COL5A1: variants seen among roughly 807,000 people sequenced by gnomAD.
COL5A1 encodes the protein collagen alpha-1(V) chain.
A neutral mutation model predicts 263.7 loss-of-function variants in COL5A1; 16 were observed. That is an observed-to-expected ratio of 0.06 (90% CI 0.04 to 0.09). The LOEUF is 0.09. Among genes scored for constraint, COL5A1 ranks in the 10% least tolerant of loss-of-function variants. The probability of loss-of-function intolerance (pLI) is 1.00; values close to 1 mark genes in which losing one functional copy is unlikely to be tolerated. For missense variants in COL5A1, 2,036 were observed against 2,540.5 expected, an observed-to-expected ratio of 0.80 and a Z score of 4.27; for synonymous variants, 1,012 against 1,004.5, an observed-to-expected ratio of 1.01 and a Z score of -0.14.
chr9:134,714,135 A>G (rs1300790885), intron 4 of COL5A1, among the ~76,000 whole-genome samples: 2 of 152,154 alleles, frequency 1.3e-5, no homozygotes, highest in African/African-American at 2.4e-5. Context: ...TGCAAAAAAT[A>G]CTGGTTGAAT....
In COL5A1 at chr9:134,824,971, C is replaced by T. The variant is rs1329289035; in HGVS notation, c.4954+116C>T. ...CAGCGGAAGGGACAGGACGGGCAGC[C>T]GCAGCCTCCCCATCTGTGGGGCCGG... On this transcript the variant is annotated intron_variant, in intron 62 of 65. Transcript: ENST00000371817. 27 of 1,379,774 alleles carry T rather than the reference C, an allele frequency of 2.0e-5. No individual in the cohort carries two copies. The South Asian group carries it at 2.0e-4, about 10-fold the overall frequency. 85.5% of individuals were successfully genotyped at this position (1,379,774 alleles called of 1,614,324 possible). A position where few individuals can be genotyped will look rare whatever the true frequency, so the allele number is the denominator to read the frequency against.
At chr9:134,712,934 C>T (rs1275862770) in intron 4 of COL5A1, among the ~76,000 whole-genome samples, 2 of 152,114 alleles carry the variant, frequency 1.3e-5, no homozygotes, top group East Asian at 2.0e-4. Context: ...TCCAGAAGGG[C>T]CTGTGGGTGA....
intron 48 of COL5A1, among the ~76,000 whole-genome samples, chr9:134,813,487 G>A (rs915741831): frequency 6.6e-6 from 1 of 152,230 alleles, no homozygotes; most frequent in African/African-American, 2.4e-5. Flanking sequence ...AGACCACAGG[G>A]TGATGGTGTG....
chr9:134,789,095 C>T lies in COL5A1; in HGVS notation c.2647-60C>T, dbSNP rs1295108137. 2.6e-6 allele frequency: 4 copies of T among 1,514,830 alleles called. No homozygotes were observed. Among genetic ancestry groups the T allele is most frequent in the Admixed American group, 3.4e-5 (2 of 59,390 alleles). The allele number at this position is 1,514,830 out of a possible 1,614,324, so 93.8% of individuals were successfully genotyped here. ...CATGCAGGTGGTCCCCCAGGCGGCC[C>T]ATGCAGCATGACTCATTCCTGGCCC... On this transcript the variant is annotated intron_variant, in intron 31 of 65. Coordinates refer to ENST00000371817, the MANE Select transcript of COL5A1 (RefSeq NM_000093.5). The surrounding 1 kb of genome is among the most constrained non-coding windows in gnomAD (Gnocchi z 4.8).
intron 1 of COL5A1, among the ~76,000 whole-genome samples, chr9:134,651,558 C>G (rs1364512491): frequency 1.3e-5 from 2 of 152,234 alleles, no homozygotes; most frequent in African/African-American, 4.8e-5. Flanking sequence ...ACGGTGGTCT[C>G]AGCTTTTCCA....
chr9:134,835,057 C>T lies in COL5A1; in HGVS notation c.5223C>T (p.Asn1741=), dbSNP rs144081161. 35 of 1,613,432 alleles carry T rather than the reference C, an allele frequency of 2.2e-5. No individual in the cohort carries two copies. The African/African-American group carries it at 3.1e-4, about 14-fold the overall frequency. ...LRLLSASAHQ[N]VTYHCYQSVA... The stretch of plus-strand genomic sequence containing the variant: ...TGCTGAGCGCCTCTGCCCACCAGAA[C>T]GTCACCTACCACTGCTACCAGTCAG... The change falls in exon 65 of 66, where the codon AAC becomes AAT. Residue 1741 remains asparagine, a synonymous_variant. Transcript: ENST00000371817.
At chr9:134,796,441 G>T (rs1837913200) in intron 35 of COL5A1, 23 bp downstream of exon 35, 12 of 1,613,602 alleles carry the variant, frequency 7.4e-6, no homozygotes, top group Middle Eastern at 1.6e-4. Flanking sequence ...AGCCTTCGGG[G>T]GTGTCTCCAA....
chr9:134,673,385 A>C (rs1312497804), intron 1 of COL5A1, among the ~76,000 whole-genome samples: 2 of 151,638 alleles, frequency 1.3e-5, no homozygotes, highest in East Asian at 3.9e-4. Flanking sequence ...TTTCCATAAA[A>C]GTGCTAAGAT....
In COL5A1 at chr9:134,682,460, G is replaced by A. The variant is rs531583044; in HGVS notation, c.110-8452G>A. On this transcript the variant is annotated intron_variant, in intron 1 of 65. Transcript: ENST00000371817. This position sits in a 1 kb window ranked among gnomAD's most constrained non-coding sequence, Gnocchi z 5.1. ...CAGAGACCCTGACCCCAGGACCGACGGAGCCAGCCCAGTGCCAGGGACAGA... is the reference window on the plus strand; with the variant it reads ...CAGAGACCCTGACCCCAGGACCGACAGAGCCAGCCCAGTGCCAGGGACAGA... Among the ~76,000 whole-genome samples, 3 of 152,284 alleles carry A rather than the reference G, an allele frequency of 2.0e-5. No homozygotes were observed. Among genetic ancestry groups the A allele is most frequent in the African/African-American group, 4.8e-5 (2 of 41,556 alleles).
intron 1 of COL5A1, among the ~76,000 whole-genome samples, chr9:134,646,532 C>T (rs7872117): frequency 0.13 from 19,447 of 152,220 alleles, 1,415 homozygotes; most frequent in South Asian, 0.19. Flanking sequence ...CCCTCATTCA[C>T]GGGCTTGGCA....
At chr9:134,679,756 G>A (rs112443032) in intron 1 of COL5A1, among the ~76,000 whole-genome samples, 2,294 of 139,122 alleles carry the variant, frequency 0.016, 69 homozygotes, top group African/African-American at 0.066. Flanking sequence ...GGGGCACTGT[G>A]GGGCTGGTTG....
chr9:134,810,321 A>G lies in COL5A1; in HGVS notation c.3528+13A>G, dbSNP rs1422226659. 4.3e-6 allele frequency: 7 copies of G among 1,613,200 alleles called. No homozygotes were observed. The highest frequency in any genetic ancestry group is 5.9e-6 in the Non-Finnish European group (7 of 1,179,416). On this transcript the variant is annotated intron_variant, in intron 44 of 65. Coordinates refer to ENST00000371817, the MANE Select transcript of COL5A1 (RefSeq NM_000093.5). ...CAAAGGAGAACAGGTAAGTATTGGC[A>G]CGGGGGCGCGCGGCAGCCCCCAGGT...
intron 28 of COL5A1, among the ~76,000 whole-genome samples, chr9:134,780,955 G>A (rs7849777): frequency 0.13 from 20,259 of 152,270 alleles, 2,012 homozygotes; most frequent in African/African-American, 0.27. Flanking sequence ...CTTGCTTTCC[G>A]TAAGGCATGT....
intron 1 of COL5A1, among the ~76,000 whole-genome samples, chr9:134,671,668 G>C (rs369111756): frequency 3.3e-5 from 5 of 152,234 alleles, no homozygotes; most frequent in African/African-American, 1.2e-4. Flanking sequence ...GGACGAGTGC[G>C]TGAAGGGTTG....
chr9:134,725,109 C>T (rs541622758), intron 4 of COL5A1, among the ~76,000 whole-genome samples: 11 of 152,170 alleles, frequency 7.2e-5, no homozygotes, highest in East Asian at 1.9e-4. Flanking sequence ...GTGGCGGGAC[C>T]GGAGACGCCA....
chr9:134,687,487 C>T (rs918256862), intron 1 of COL5A1, among the ~76,000 whole-genome samples: 19 of 152,128 alleles, frequency 1.2e-4, no homozygotes, highest in Non-Finnish European at 1.3e-4. Flanking sequence ...TCCATCCATC[C>T]ATCCATCCAT....
intron 1 of COL5A1, among the ~76,000 whole-genome samples, chr9:134,654,155 T>C: frequency 1.0e-5 from 1 of 99,424 alleles, no homozygotes; most frequent in South Asian, 3.7e-4. Flanking sequence ...GGGCTGGGGG[T>C]ATGTAGGGCT....
At chr9:134,832,427 C>A (rs539894374) in intron 64 of COL5A1, among the ~76,000 whole-genome samples, 11 of 152,098 alleles carry the variant, frequency 7.2e-5, no homozygotes, top group Admixed American at 6.5e-5. Flanking sequence ...AAAGAAAAAA[C>A]CAGAAATGGG....
Position 134,821,220 on chromosome 9 carries a change from G to A in COL5A1, c.4555-877G>A, listed in dbSNP as rs561380962. Among the ~76,000 whole-genome samples, 353 of 151,716 alleles carry A rather than the reference G, an allele frequency of 2.3e-3. 3 individuals are homozygous for A. Among genetic ancestry groups the A allele is most frequent in the African/African-American group, 7.3e-3 (303 of 41,476 alleles). On this transcript the variant is annotated intron_variant, in intron 58 of 65. Transcript: ENST00000371817. The surrounding 1 kb of genome is among the most constrained non-coding windows in gnomAD (Gnocchi z 4.2). The stretch of plus-strand genomic sequence containing the variant: ...GGCATCCAGGGTCCCCACGGCCAGC[G>A]GGGAAAGCACCCCTGTGTCCACCCT...
Sources: gnomAD v4.1 joint callset for allele counts (sites outside exome capture counted in the v4.1 genomes callset) on GRCh38, gnomAD v4.1.1 for gene constraint, Gnocchi (gnomAD v3.1) non-coding constraint, MANE v1.5 for transcripts, NCBI Gene and HGNC (gene_info 2026-07-23, HGNC 2026-07-21) for gene names.